DYRK1B: variants seen among roughly 807,000 people sequenced by gnomAD.
DYRK1B encodes dual specificity tyrosine phosphorylation regulated kinase 1B.
A neutral mutation model predicts 57.1 loss-of-function variants in DYRK1B; 20 were observed. That is an observed-to-expected ratio of 0.35 (90% CI 0.25 to 0.51). DYRK1B has a LOEUF of 0.51. Among genes scored for constraint, DYRK1B ranks in the 20% least tolerant of loss-of-function variants. DYRK1B has a pLI of 0.96. For synonymous variants in DYRK1B, 409 were observed against 384.7 expected (o/e 1.06, Z -0.74); for missense variants, 732 against 886.3 (o/e 0.83, Z 2.21).
rs1279003572 is a variant in DYRK1B at position 39,827,305 on chromosome 19, T to C, written c.1075A>G (p.Arg359Gly). 6.2e-7 allele frequency: 1 copy of C among 1,612,726 alleles called. No individual in the cohort carries two copies. Among genetic ancestry groups the C allele is most frequent in the South Asian group, 1.1e-5 (1 of 91,016 alleles). Residue 359 changes from arginine to glycine, a missense_variant, in exon 8 of 11, where the codon AGG (arginine) becomes GGG (glycine). Arg to Gly is a moderately radical substitution (Grantham distance 125). This residue lies in a region of DYRK1B where 510 missense variants were observed against 681.3 expected (regional missense o/e 0.75). Transcript: ENST00000323039. ...RLPGGGWTLR[R>G]TKELRKDYQG... ...CGCACCTTCCTGAGTTCTTTCGTCC[T>C]TCGTAGGGTCCAGCCACCCCCAGGC...
At chr19:39,830,237 GA>G (rs1263437814) in intron 4 of DYRK1B, 137 bp downstream of exon 4, 1 of 1,249,180 alleles carries the variant, frequency 8.0e-7, no homozygotes, top group Non-Finnish European at 1.1e-6. Flanking sequence ...CTGTTTTACA[GA>G]AAAGGCGACT....
intron 4 of DYRK1B, 91 bp downstream of exon 4, chr19:39,830,284 G>T: frequency 6.6e-7 from 1 of 1,524,860 alleles, no homozygotes; most frequent in Non-Finnish European, 9.0e-7. Context: ...AGGGTGAGTG[G>T]CCCAGCATGG....
Position 39,826,965 on chromosome 19 carries a change from C to T in DYRK1B, c.1118G>A (p.Arg373Gln). ...LRKDYQGPGTRRLQEVLGVQT... is the reference protein window; with the variant it reads ...LRKDYQGPGTQRLQEVLGVQT... ...CACGCCCAGCACCTCCTGCAGCCGC[C>T]GTGTCCCGGGGCCCTGGTAATCCTG... Residue 373 changes from arginine to glutamine, a missense_variant, in exon 9 of 11, where the codon CGG (arginine) becomes CAG (glutamine). Arg to Gln is a conservative substitution (Grantham distance 43). Coordinates refer to ENST00000323039, the MANE Select transcript of DYRK1B (RefSeq NM_004714.3). This position sits in a 1 kb window ranked among gnomAD's most constrained non-coding sequence, Gnocchi z 6.3. 4.3e-6 allele frequency: 5 copies of T among 1,150,876 alleles called. No individual in the cohort carries two copies. The highest frequency in any genetic ancestry group is 5.4e-6 in the Non-Finnish European group (5 of 921,770). 71.3% of individuals were successfully genotyped at this position (1,150,876 alleles called of 1,614,324 possible).
At chr19:39,827,969 T>C (rs1229784818) in intron 6 of DYRK1B, among the ~76,000 whole-genome samples, 1 of 152,120 alleles carries the variant, frequency 6.6e-6, no homozygotes, top group Non-Finnish European at 1.5e-5. Context: ...TGGCAGCTCA[T>C]ACAGAGCTGC....
In DYRK1B at chr19:39,830,593, A is replaced by G. The variant is rs1198486953; in HGVS notation, c.184-30T>C. 3.1e-6 allele frequency: 5 copies of G among 1,613,820 alleles called. No homozygotes were observed. The East Asian group carries it at 1.1e-4, about 36-fold the overall frequency. On this transcript the variant is annotated intron_variant, in intron 3 of 10. Transcript: ENST00000323039. ...CCAGCCAGCCAGCCAGGAGATGGGGACTGGTGAGTGACTCATGCCAGCAGA... is the reference window on the plus strand; with the variant it reads ...CCAGCCAGCCAGCCAGGAGATGGGGGCTGGTGAGTGACTCATGCCAGCAGA...
chr19:39,832,189 T>C (rs1427145822), intron 1 of DYRK1B, among the ~76,000 whole-genome samples: 2 of 151,770 alleles, frequency 1.3e-5, no homozygotes, highest in Non-Finnish European at 2.9e-5. Flanking sequence ...AAGTAAATGA[T>C]TAAGGCAGCA....
intron 6 of DYRK1B, 116 bp from the exon 7 acceptor site, chr19:39,827,772 G>C (rs539770734): frequency 1.5e-6 from 2 of 1,315,694 alleles, no homozygotes; most frequent in Admixed American, 4.7e-5. Flanking sequence ...TGGGGACTGA[G>C]GCTCCAAATC....
In DYRK1B at chr19:39,828,239, G is replaced by A. The variant is rs900876850; in HGVS notation, c.807+58C>T. 220 of 1,567,648 alleles carry A rather than the reference G, an allele frequency of 1.4e-4. No homozygotes were observed. The highest frequency in any genetic ancestry group is 7.4e-4 in the Admixed American group (43 of 58,118). On this transcript the variant is annotated intron_variant, in intron 6 of 10. Transcript: ENST00000323039. This position sits in a 1 kb window ranked among gnomAD's most constrained non-coding sequence, Gnocchi z 4.3. Reference sequence around the variant, plus strand: ...GCCAAGCCCCGCCCCTAAGCCTCCCGTTGGCTCTGCCCCACCCAAACTACT... The same window carrying A: ...GCCAAGCCCCGCCCCTAAGCCTCCCATTGGCTCTGCCCCACCCAAACTACT...
At position 39,826,920 on chromosome 19, in the gene DYRK1B, C is replaced by T; in HGVS notation, c.1163G>A (p.Gly388Asp). The stretch of plus-strand genomic sequence containing the variant: ...GTGGCCCGGCTCCCCCGCCCGCCGG[C>T]CCCCGGGCCCGCCCGTCTGCACGCC... ...VLGVQTGGPG[G>D]RRAGEPGHSP... Residue 388 changes from glycine to aspartate, a missense_variant, in exon 9 of 11, where the codon GGC (glycine) becomes GAC (aspartate). Gly to Asp is a moderately conservative substitution (Grantham distance 94). Around this residue, in one of 2 missense-constraint regions of DYRK1B, gnomAD observed 510 missense variants for 681.3 expected, o/e 0.75. Transcript: ENST00000323039. The surrounding 1 kb of genome is among the most constrained non-coding windows in gnomAD (Gnocchi z 6.3). 7.0e-7 allele frequency: 1 copy of T among 1,418,604 alleles called. No homozygotes were observed. Among genetic ancestry groups the T allele is most frequent in the Non-Finnish European group, 9.1e-7 (1 of 1,096,522 alleles). The allele number at this position is 1,418,604 out of a possible 1,614,324, so 87.9% of individuals were successfully genotyped here.
chr19:39,832,934 T>A (rs1003176922), intron 1 of DYRK1B: 2 of 919,780 alleles, frequency 2.2e-6, no homozygotes, highest in Non-Finnish European at 2.6e-6. Context: ...CTTGCCCCCC[T>A]ACACACACAC....
At position 39,828,163 on chromosome 19, in the gene DYRK1B, C is replaced by T; in HGVS notation, c.807+134G>A. 1 of 1,020,664 alleles carries T rather than the reference C, an allele frequency of 9.8e-7. No homozygotes were observed. The highest frequency in any genetic ancestry group is 2.6e-5 in the Admixed American group (1 of 38,790). The allele number at this position is 1,020,664 out of a possible 1,614,324, so 63.2% of individuals were successfully genotyped here. A position where few individuals can be genotyped will look rare whatever the true frequency, so the allele number is the denominator to read the frequency against. ...CTAGTGGGCAGTATATTCACACCCC[C>T]ACCCCAAGCATTATCCCTCAGTTCC... On this transcript the variant is annotated intron_variant, in intron 6 of 10. Coordinates refer to ENST00000323039, the MANE Select transcript of DYRK1B (RefSeq NM_004714.3). This position sits in a 1 kb window ranked among gnomAD's most constrained non-coding sequence, Gnocchi z 4.3.
chr19:39,828,460 C>T lies in DYRK1B; in HGVS notation c.644G>A (p.Arg215Gln), dbSNP rs1291364341. The T allele has an allele frequency of 3.7e-6, 6 of 1,613,708 alleles. No homozygotes were observed. Among genetic ancestry groups the T allele is most frequent in the Admixed American group, 1.7e-5 (1 of 59,938 alleles). ...CGTGCAGAGCTGCTGCGCCAGCTTC[C>T]GGGTCAGGTTCAGCGAGACGCCGCG... The part of the protein sequence containing the change: ...HFRGVSLNLT[R>Q]KLAQQLCTAL... The change falls in exon 6 of 11, where the codon CGG becomes CAG. Residue 215 changes from arginine (R) to glutamine (Q), a missense_variant. Physicochemically the swap from Arg to Gln is conservative, Grantham distance 43 (BLOSUM62 1). Transcript: ENST00000323039. The surrounding 1 kb of genome is among the most constrained non-coding windows in gnomAD (Gnocchi z 4.3).
At chr19:39,827,216 G>A (rs1266253010) in intron 8 of DYRK1B, 69 bp downstream of exon 8, 4 of 1,528,446 alleles carry the variant, frequency 2.6e-6, no homozygotes, top group South Asian at 1.3e-5. Flanking sequence ...GAGGGAGCAG[G>A]GGGAGAGAGC....
At chr19:39,830,858 CT>C in intron 2 of DYRK1B, 75 bp from the exon 3 acceptor site, 1 of 1,501,526 alleles carries the variant, frequency 6.7e-7, no homozygotes, top group Non-Finnish European at 8.9e-7. Context: ...ACTGTAAGGG[CT>C]GCTGGCACAT....
rs375929795 is a variant in DYRK1B, at chr19:39,830,434, C to T, written c.313G>A (p.Glu105Lys). ...ATTTCGTAGCGCTCCAGCCAGCGCT[C>T]GCCACTGCGCACGATGTAGTCATGG... ...DNHDYIVRSG[E>K]RWLERYEIDS... is the part of the protein sequence containing the mutation. The change falls in exon 4 of 11, where the codon GAG (glutamate) becomes AAG (lysine). Residue 105 changes from glutamate (E) to lysine (K), a missense_variant. By Grantham distance (56) the Glu-to-Lys change is moderately conservative. Transcript: ENST00000323039. 1.9e-6 allele frequency: 3 copies of T among 1,614,160 alleles called. No homozygotes were observed. The highest frequency in any genetic ancestry group is 1.3e-5 in the African/African-American group (1 of 75,046).
intron 1 of DYRK1B, 47 bp from the exon 2 acceptor site, chr19:39,832,015 T>G: frequency 7.1e-7 from 1 of 1,400,544 alleles, no homozygotes; most frequent in Non-Finnish European, 9.2e-7. Flanking sequence ...CAAGGGGATA[T>G]GTGAATAGTG....
chr19:39,826,528 A>T lies in DYRK1B; in HGVS notation c.1411+144T>A. The T allele has an allele frequency of 9.8e-7, 1 of 1,023,338 alleles. No individual in the cohort carries two copies. The highest frequency in any genetic ancestry group is 1.8e-5 in the South Asian group (1 of 55,748). The allele number at this position is 1,023,338 out of a possible 1,614,324, so 63.4% of individuals were successfully genotyped here. A position where few individuals can be genotyped will look rare whatever the true frequency, so the allele number is the denominator to read the frequency against. On this transcript the variant is annotated intron_variant, in intron 9 of 10. Coordinates refer to ENST00000323039, the MANE Select transcript of DYRK1B (RefSeq NM_004714.3). The surrounding 1 kb of genome is among the most constrained non-coding windows in gnomAD (Gnocchi z 6.3). ...CAGTGATTGTGTCAGGGCCAGTTGG[A>T]GCTCTCCCATCCCACACGTCATCTT...
At position 39,828,516 on chromosome 19, in the gene DYRK1B, G is replaced by A. The variant is rs1489063104; in HGVS notation, c.588C>T (p.Asn196=). 2 of 1,613,640 alleles carry A rather than the reference G, an allele frequency of 1.2e-6. No homozygotes were observed. The highest frequency in any genetic ancestry group is 2.7e-5 in the African/African-American group (2 of 75,046). ...LCLVFELLSY[N]LYDLLRNTHF... is the part of the protein sequence containing the mutation. ...GGGTGTTGCGCAGGAGGTCGTACAG[G>A]TTGTAGGACAGCAGCTCAAATACCA... The change falls in exon 6 of 11, where the codon AAC becomes AAT. Residue 196 remains asparagine (N), a synonymous_variant. Coordinates refer to ENST00000323039, the MANE Select transcript of DYRK1B (RefSeq NM_004714.3). This position sits in a 1 kb window ranked among gnomAD's most constrained non-coding sequence, Gnocchi z 4.3.
rs1968662387 is a variant in DYRK1B, at chr19:39,828,724, T to C, written c.521-141A>G. 2.4e-6 allele frequency: 2 copies of C among 842,060 alleles called. No individual in the cohort carries two copies. Among genetic ancestry groups the C allele is most frequent in the Admixed American group, 2.9e-5 (1 of 34,378 alleles). 52.2% of individuals were successfully genotyped at this position (842,060 alleles called of 1,614,324 possible). ...TACCATCTGCTAGTCAAAATCTTTT[T>C]ATCTAACAACTAGATTCACACAGGA... is the stretch of plus-strand genomic sequence containing the variant. On this transcript the variant is annotated intron_variant, in intron 5 of 10. Transcript: ENST00000323039. This position sits in a 1 kb window ranked among gnomAD's most constrained non-coding sequence, Gnocchi z 4.3.
Sources: allele counts gnomAD v4.1 joint callset (sites outside exome capture counted in the v4.1 genomes callset), GRCh38; gene constraint gnomAD v4.1.1; regional missense constraint gnomAD v4.1.1; non-coding constraint Gnocchi (gnomAD v3.1); transcripts MANE v1.5; gene names NCBI Gene and HGNC (gene_info 2026-07-23, HGNC 2026-07-21).